Variants in TBCA observed in about 807,000 individuals in gnomAD.
TBCA encodes the protein tubulin-specific chaperone A.
Under a neutral mutation model 15.8 loss-of-function variants are expected in TBCA, and 6 were observed. The observed-to-expected ratio is 0.38, with a 90% CI of 0.21 to 0.75. The LOEUF (loss-of-function observed/expected upper bound fraction) is 0.75, where lower values mean the gene tolerates loss of function less well. Ranked by LOEUF, TBCA falls within the 30% of genes least tolerant of loss-of-function variation. The pLI is 0.46. For synonymous variants in TBCA, 32 were observed against 42.3 expected, an observed-to-expected ratio of 0.76 and a Z score of 0.94; for missense variants, 90 against 131.2, an observed-to-expected ratio of 0.69 and a Z score of 1.53.
intron 1 of TBCA, among the ~76,000 whole-genome samples, chr5:77,753,014 G>A (rs2112495890): frequency 6.6e-6 from 1 of 151,986 alleles, no homozygotes; most frequent in East Asian, 1.9e-4. Context: ...TTATTTTAAA[G>A]CAACTCTTAA....
At chr5:77,721,594 T>C (rs529527342) in intron 1 of TBCA, among the ~76,000 whole-genome samples, 162 of 152,282 alleles carry the variant, frequency 1.1e-3, no homozygotes, top group Middle Eastern at 3.4e-3. Flanking sequence ...TTTCAATGTA[T>C]ATTTAATTTG....
intron 1 of TBCA, among the ~76,000 whole-genome samples, chr5:77,738,248 T>G (rs563242234): frequency 6.6e-6 from 1 of 152,348 alleles, no homozygotes; most frequent in African/African-American, 2.4e-5. Context: ...GCATGTATAT[T>G]GCAGTGCTGC....
At chr5:77,715,107 A>G in intron 1 of TBCA, 1 of 615,868 alleles carries the variant, frequency 1.6e-6, no homozygotes, top group South Asian at 2.0e-5. Context: ...AAGAGGACAC[A>G]TGAGTTAAGA....
chr5:77,770,474 T>G (rs1366637348), intron 1 of TBCA, among the ~76,000 whole-genome samples: 1 of 152,170 alleles, frequency 6.6e-6, no homozygotes, highest in African/African-American at 2.4e-5. Flanking sequence ...CCAGTTTGCC[T>G]GGGACTTTCC....
chr5:77,776,068 GC>G, intron 1 of TBCA, 136 bp downstream of exon 1: 1 of 1,081,822 alleles, frequency 9.2e-7, no homozygotes, highest in Non-Finnish European at 1.3e-6. Flanking sequence ...GCCAGTCCCA[GC>G]CAACTGCGGA....
rs1010503224 is a variant in TBCA, at chr5:77,691,405, T to C, written c.*13A>G. 5 of 1,590,314 alleles carry C rather than the reference T, an allele frequency of 3.1e-6. No individual in the cohort carries two copies. The Admixed American group carries it at 7.3e-5, about 23-fold the overall frequency. ...AGGATTTAATGCAAAAACCACCCCATACGAGAAAAGTTTCAGGCTTCTAAC... is the reference window on the plus strand; with the variant it reads ...AGGATTTAATGCAAAAACCACCCCACACGAGAAAAGTTTCAGGCTTCTAAC... On this transcript the variant is annotated 3_prime_UTR_variant, in exon 4 of 4. Transcript: ENST00000380377.
intron 1 of TBCA, among the ~76,000 whole-genome samples, chr5:77,774,979 TTAAA>T (rs1747987926): frequency 2.4e-5 from 1 of 42,000 alleles, no homozygotes; most frequent in Admixed American, 2.7e-4. Flanking sequence ...GCTACAAAGA[TTAAA>T]AAAAAAAAAA....
At chr5:77,718,023 G>A (rs956203653) in intron 1 of TBCA, among the ~76,000 whole-genome samples, 1 of 151,952 alleles carries the variant, frequency 6.6e-6, no homozygotes, top group Non-Finnish European at 1.5e-5. Context: ...CCAGCTACTC[G>A]GGAGGCTGAG....
intron 1 of TBCA, among the ~76,000 whole-genome samples, chr5:77,748,658 T>C (rs1438152216): frequency 2.0e-5 from 3 of 152,172 alleles, no homozygotes; most frequent in Admixed American, 6.5e-5. Flanking sequence ...CTTGTACAGT[T>C]GACCCTTAAA....
chr5:77,719,913 C>T (rs925903206), intron 1 of TBCA, among the ~76,000 whole-genome samples: 1 of 152,064 alleles, frequency 6.6e-6, no homozygotes, highest in African/African-American at 2.4e-5. Context: ...AAAGCAATAG[C>T]ACCTCCCACA....
intron 1 of TBCA, among the ~76,000 whole-genome samples, chr5:77,767,304 C>T (rs1367688549): frequency 6.6e-6 from 1 of 152,154 alleles, no homozygotes; most frequent in African/African-American, 2.4e-5. Context: ...CAAGCACACA[C>T]ACACACAGAA....
At chr5:77,704,420 A>C (rs901827676) in intron 2 of TBCA, among the ~76,000 whole-genome samples, 1 of 152,240 alleles carries the variant, frequency 6.6e-6, no homozygotes, top group African/African-American at 2.4e-5. Flanking sequence ...ATTTAGAAGA[A>C]GTAGGAAAGC....
intron 1 of TBCA, among the ~76,000 whole-genome samples, chr5:77,745,573 T>A (rs1222174392): frequency 6.6e-6 from 1 of 152,204 alleles, no homozygotes. Context: ...GGGTGTATCA[T>A]GAATTACGTG....
intron 1 of TBCA, among the ~76,000 whole-genome samples, chr5:77,750,149 TAGAG>T (rs1489054272): frequency 9.3e-4 from 140 of 150,282 alleles, no homozygotes; most frequent in African/African-American, 2.7e-3. Context: ...TCTATATATA[TAGAG>T]AGAGAGCACA....
chr5:77,721,471 C>T (rs1029505948), intron 1 of TBCA, among the ~76,000 whole-genome samples: 2 of 151,988 alleles, frequency 1.3e-5, no homozygotes, highest in Non-Finnish European at 2.9e-5. Flanking sequence ...ACAAAATAAT[C>T]ATTATTAATA....
At chr5:77,753,338 TCA>T (rs1046585565) in intron 1 of TBCA, among the ~76,000 whole-genome samples, 3 of 152,260 alleles carry the variant, frequency 2.0e-5, no homozygotes, top group African/African-American at 7.2e-5. Context: ...TAGAGCTCTT[TCA>T]CACAGTTTAA....
chr5:77,735,504 C>G (rs1561275095), intron 1 of TBCA, among the ~76,000 whole-genome samples: 1 of 152,072 alleles, frequency 6.6e-6, no homozygotes, highest in Non-Finnish European at 1.5e-5. Flanking sequence ...TTTAACATAA[C>G]ACCTATGGCA....
intron 1 of TBCA, among the ~76,000 whole-genome samples, chr5:77,713,530 T>C (rs1746330341): frequency 6.6e-6 from 1 of 152,108 alleles, no homozygotes; most frequent in Non-Finnish European, 1.5e-5. Context: ...ATTTTCTTCC[T>C]AAAAAAATAT....
At chr5:77,737,119 C>A (rs147101627) in intron 1 of TBCA, among the ~76,000 whole-genome samples, 3 of 152,174 alleles carry the variant, frequency 2.0e-5, no homozygotes, top group Non-Finnish European at 4.4e-5. Flanking sequence ...CCAAGAATTA[C>A]AGTGACACCT....
Sources: gnomAD v4.1 joint callset for allele counts (sites outside exome capture counted in the v4.1 genomes callset) on GRCh38, gnomAD v4.1.1 for gene constraint, MANE v1.5 for transcripts, NCBI Gene and HGNC (gene_info 2026-07-23, HGNC 2026-07-21) for gene names.